Variants in ZHX3 observed in about 807,000 individuals in gnomAD.
ZHX3 encodes the protein zinc fingers and homeoboxes 3, also known as zinc fingers and homeoboxes protein 3.
ZHX3 carries 20 observed loss-of-function variants against 64.5 expected under a neutral mutation model. The observed-to-expected ratio is 0.31, with a 90% confidence interval of 0.22 to 0.45. The LOEUF (loss-of-function observed/expected upper bound fraction) is 0.45. Ranked by LOEUF, ZHX3 falls within the 20% of genes least tolerant of loss-of-function variation. ZHX3 has a pLI of 1.00. For missense variants in ZHX3, 1,041 were observed against 1,195.8 expected, an observed-to-expected ratio of 0.87 and a Z score of 1.91; for synonymous variants, 423 against 461.6, an observed-to-expected ratio of 0.92 and a Z score of 1.07.
At position 41,180,239 on chromosome 20, in the gene ZHX3, C is replaced by G. The variant is rs911943118; in HGVS notation, c.*4952G>C. On this transcript the variant is annotated 3_prime_UTR_variant, in exon 4 of 4. Transcript: ENST00000683867. ...CCAGAGCAGCCACGAAAGCCAAATT[C>G]TCAGGGCTGTGGAAGCTTTGGACCA... The G allele has an allele frequency of 1.3e-5, 2 of 152,762 alleles. No individual in the cohort carries two copies. The highest frequency in any genetic ancestry group is 4.8e-5 in the African/African-American group (2 of 41,468). 9.5% of individuals were successfully genotyped at this position (152,762 alleles called of 1,614,324 possible).
chr20:41,207,627 A>G (rs186571296), intron 2 of ZHX3, among the ~76,000 whole-genome samples: 4,531 of 114,140 alleles, frequency 0.04, no homozygotes, highest in South Asian at 0.049. Context: ...GCACAAAGAA[A>G]GATGTTCTTT....
chr20:41,261,651 A>AT (rs765615127), intron 2 of ZHX3, among the ~76,000 whole-genome samples: 9 of 152,220 alleles, frequency 5.9e-5, no homozygotes, highest in Non-Finnish European at 1.0e-4. Context: ...CTGGACATGT[A>AT]TTACAGTGCT....
rs1342655835 is a variant in ZHX3, at chr20:41,183,557, G to A, written c.*1634C>T. 6.6e-6 allele frequency: 1 copy of A among 152,320 alleles called. No homozygotes were observed. The highest frequency in any genetic ancestry group is 1.5e-5 in the Non-Finnish European group (1 of 68,100). The allele number at this position is 152,320 out of a possible 1,614,324, so 9.4% of individuals were successfully genotyped here. ...GTGCCCTGCCAGGTCCAGTTCCCTG[G>A]GTAGGGGAGAAGGACGGTCCCTAAA... On this transcript the variant is annotated 3_prime_UTR_variant, in exon 4 of 4. Coordinates refer to ENST00000683867, the MANE Select transcript of ZHX3 (RefSeq NM_001384317.1). This position sits in a 1 kb window ranked among gnomAD's most constrained non-coding sequence, Gnocchi z 5.3.
intron 1 of ZHX3, among the ~76,000 whole-genome samples, chr20:41,309,186 G>C (rs564601267): frequency 3.3e-5 from 5 of 152,282 alleles, no homozygotes; most frequent in Admixed American, 6.5e-5. Context: ...GCCTCTGATA[G>C]AGCATTCTTA....
intron 3 of ZHX3, among the ~76,000 whole-genome samples, chr20:41,186,209 T>C (rs2036509632): frequency 6.6e-6 from 1 of 152,232 alleles, no homozygotes; most frequent in South Asian, 2.1e-4. Context: ...TCTATCGCTA[T>C]GCCTTTGCCT....
chr20:41,312,041 T>C (rs182373246), intron 1 of ZHX3, among the ~76,000 whole-genome samples: 12 of 152,170 alleles, frequency 7.9e-5, no homozygotes, highest in Admixed American at 7.9e-4. Flanking sequence ...GAAGGAAACA[T>C]ATAAATGAAG....
At chr20:41,270,537 G>A (rs113817409) in intron 1 of ZHX3, among the ~76,000 whole-genome samples, 3 of 152,102 alleles carry the variant, frequency 2.0e-5, no homozygotes, top group Non-Finnish European at 2.9e-5. Flanking sequence ...TTAGCTGTGT[G>A]TGGTGGCAGG....
intron 2 of ZHX3, 33 bp from the exon 3 acceptor site, chr20:41,205,099 T>C: frequency 9.6e-7 from 1 of 1,042,402 alleles, no homozygotes; most frequent in Non-Finnish European, 1.3e-6. Context: ...GATTAAGTTC[T>C]CTTAAGTGCT....
chr20:41,227,011 C>T (rs1056530145), intron 2 of ZHX3, among the ~76,000 whole-genome samples: 10 of 152,158 alleles, frequency 6.6e-5, no homozygotes, highest in Non-Finnish European at 1.2e-4. Context: ...ATCAGTTTCC[C>T]TTGACAGGTA....
In ZHX3 at chr20:41,203,374, G is replaced by C. The variant is rs769245157; in HGVS notation, c.1543C>G (p.Arg515Gly). The stretch of plus-strand genomic sequence containing the variant: ...TCGCTCTGCCCTGGGAACTGGTTCC[G>C]ACAGAAGCTCCCTTTCAGAGCTGAC... ...QLSALKGSFC[R>G]NQFPGQSEVE... The change falls in exon 3 of 4, where the codon CGG (arginine) becomes GGG (glycine). Residue 515 changes from arginine to glycine, a missense_variant. Physicochemically the swap from Arg to Gly is moderately radical, Grantham distance 125. Coordinates refer to ENST00000683867, the MANE Select transcript of ZHX3 (RefSeq NM_001384317.1). This position sits in a 1 kb window ranked among gnomAD's most constrained non-coding sequence, Gnocchi z 7.1. 2 of 1,614,132 alleles carry C rather than the reference G, an allele frequency of 1.2e-6. No homozygotes were observed. The highest frequency in any genetic ancestry group is 1.7e-6 in the Non-Finnish European group (2 of 1,180,032).
At chr20:41,295,294 C>T (rs968100312) in intron 1 of ZHX3, among the ~76,000 whole-genome samples, 2 of 151,862 alleles carry the variant, frequency 1.3e-5, no homozygotes, top group Non-Finnish European at 2.9e-5. Flanking sequence ...TGCAGCAAGG[C>T]ATAAAAAATT....
chr20:41,181,339 G>A lies in ZHX3; in HGVS notation c.*3852C>T, dbSNP rs1409973118. ...TTAATACAAAAGCACATCTGCAAAT[G>A]GTGAGTCAAACTGGTGAAATCTCCC... On this transcript the variant is annotated 3_prime_UTR_variant, in exon 4 of 4. Transcript: ENST00000683867. 1.3e-5 allele frequency: 2 copies of A among 152,114 alleles called. No individual in the cohort carries two copies. The highest frequency in any genetic ancestry group is 4.8e-5 in the African/African-American group (2 of 41,406). The allele number at this position is 152,114 out of a possible 1,614,324, so 9.4% of individuals were successfully genotyped here.
chr20:41,223,215 C>G (rs1284954690), intron 2 of ZHX3, among the ~76,000 whole-genome samples: 1 of 152,182 alleles, frequency 6.6e-6, no homozygotes, highest in African/African-American at 2.4e-5. Flanking sequence ...ACACTGCTTG[C>G]TGGAGTGAAA....
chr20:41,278,738 C>A (rs1475840162), intron 1 of ZHX3, among the ~76,000 whole-genome samples: 1 of 141,036 alleles, frequency 7.1e-6, no homozygotes, highest in Non-Finnish European at 1.6e-5. Flanking sequence ...TAGAAACAAT[C>A]ACTGCTGCTA....
At chr20:41,268,813 C>A (rs749587625) in intron 2 of ZHX3, among the ~76,000 whole-genome samples, 177 bp downstream of exon 2, 36 of 152,210 alleles carry the variant, frequency 2.4e-4, no homozygotes, top group Middle Eastern at 6.8e-3. Flanking sequence ...AAAAAAGAAT[C>A]ATTTGATCAA....
chr20:41,266,585 G>A (rs1401604592), intron 2 of ZHX3, among the ~76,000 whole-genome samples: 3 of 143,050 alleles, frequency 2.1e-5, no homozygotes, highest in Non-Finnish European at 3.0e-5. Context: ...TTGTTCTGTC[G>A]CCCAGGCTGG....
At position 41,226,355 on chromosome 20, in the gene ZHX3, C is replaced by CA. The variant is rs1056912681; in HGVS notation, c.-150-21290dup. ...TGGGTGACAGGGCAATACTCTATTT[C>CA]AAAAACAAAAGAATTTCCTTTCATT... is the stretch of plus-strand genomic sequence containing the variant. On this transcript the variant is annotated intron_variant, in intron 2 of 3. Transcript: ENST00000683867. This position sits in a 1 kb window ranked among gnomAD's most constrained non-coding sequence, Gnocchi z 4.4. Among the ~76,000 whole-genome samples the CA allele has an allele frequency of 4.7e-4, 71 of 150,312 alleles. No individual in the cohort carries two copies. The highest frequency in any genetic ancestry group is 1.6e-3 in the African/African-American group (64 of 40,700).
At chr20:41,302,003 G>A (rs917903583) in intron 1 of ZHX3, among the ~76,000 whole-genome samples, 1 of 139,466 alleles carries the variant, frequency 7.2e-6, no homozygotes, top group Non-Finnish European at 1.5e-5. Context: ...GCAGTGAGCC[G>A]AGACTGCGCC....
intron 2 of ZHX3, among the ~76,000 whole-genome samples, chr20:41,230,637 A>G (rs1265538251): frequency 1.3e-5 from 2 of 152,234 alleles, no homozygotes; most frequent in African/African-American, 4.8e-5. Context: ...ATTACATGTT[A>G]AAATATTAGT....
Sources: allele counts gnomAD v4.1 joint callset (sites outside exome capture counted in the v4.1 genomes callset), GRCh38; gene constraint gnomAD v4.1.1; non-coding constraint Gnocchi (gnomAD v3.1); transcripts MANE v1.5; gene names NCBI Gene and HGNC (gene_info 2026-07-23, HGNC 2026-07-21).